The following DUS2 variants were observed in gnomAD, a reference collection of about 807,000 sequenced individuals.
DUS2 encodes the protein tRNA-dihydrouridine(20) synthase [NAD(P)+]-like.
In DUS2, 52 loss-of-function variants were observed where a neutral mutation model predicts 71.3. The ratio of observed to expected loss-of-function variants is 0.73; its 90% CI spans 0.58 to 0.92. The LOEUF (loss-of-function observed/expected upper bound fraction) is 0.92, where lower values mean the gene tolerates loss of function less well. Ranked by LOEUF, DUS2 falls within the 40% of genes least tolerant of loss-of-function variation. The probability of loss-of-function intolerance (pLI) is 0.00; values close to 1 mark genes in which losing one functional copy is unlikely to be tolerated. For missense variants in DUS2, 558 were observed against 622.6 expected, an observed-to-expected ratio of 0.90 and a Z score of 1.10; for synonymous variants, 204 against 227.8, an observed-to-expected ratio of 0.90 and a Z score of 0.94.
intron 3 of DUS2, among the ~76,000 whole-genome samples, chr16:68,047,975 G>A (rs76614077): frequency 0.012 from 1,803 of 152,140 alleles, 80 homozygotes; most frequent in East Asian, 0.1. Context: ...TAGAGACAAG[G>A]TCTCACTTTG....
intron 4 of DUS2, among the ~76,000 whole-genome samples, chr16:68,052,978 T>TTC (rs1410346100): frequency 2.0e-5 from 3 of 151,210 alleles, no homozygotes; most frequent in African/African-American, 7.3e-5. Flanking sequence ...TTTTTTTTTT[T>TTC]TCGAGACGGA....
intron 2 of DUS2, among the ~76,000 whole-genome samples, chr16:68,028,564 G>A (rs531696877): frequency 1.1e-4 from 17 of 152,220 alleles, no homozygotes; most frequent in African/African-American, 3.1e-4. Context: ...GCTTGAACCC[G>A]GGAGGCGGAG....
intron 3 of DUS2, among the ~76,000 whole-genome samples, chr16:68,047,629 A>G (rs1373110454): frequency 6.6e-6 from 1 of 151,684 alleles, no homozygotes; most frequent in Non-Finnish European, 1.5e-5. Flanking sequence ...GATTGCAGGC[A>G]TGTACCACCA....
intron 3 of DUS2, among the ~76,000 whole-genome samples, chr16:68,041,564 G>A (rs1446759309): frequency 6.6e-6 from 1 of 152,098 alleles, no homozygotes; most frequent in Non-Finnish European, 1.5e-5. Context: ...TGTAATCCCA[G>A]CACTTTGGGA....
intron 12 of DUS2, 119 bp from the exon 13 acceptor site, chr16:68,073,914 AC>A: frequency 7.9e-7 from 1 of 1,268,630 alleles, no homozygotes; most frequent in Non-Finnish European, 1.1e-6. Flanking sequence ...TATGGGGGTC[AC>A]ATTGCCTTGG....
intron 2 of DUS2, among the ~76,000 whole-genome samples, chr16:68,028,031 A>G (rs1421788283): frequency 6.6e-6 from 1 of 152,198 alleles, no homozygotes; most frequent in Non-Finnish European, 1.5e-5. Flanking sequence ...ACTGTGTTAA[A>G]GAGTGTAGAC....
chr16:68,071,251 T>A, intron 12 of DUS2, 143 bp downstream of exon 12: 1 of 844,410 alleles, frequency 1.2e-6, no homozygotes, highest in Non-Finnish European at 1.8e-6. Flanking sequence ...GTAGCTGCAC[T>A]AGCTCACTGC....
intron 7 of DUS2, among the ~76,000 whole-genome samples, chr16:68,060,271 T>C (rs541674730): frequency 3.3e-5 from 5 of 152,218 alleles, no homozygotes; most frequent in African/African-American, 1.2e-4. Flanking sequence ...CCACTCTAGA[T>C]AGATTTGTGG....
chr16:68,061,872 G>A (rs1444411143), intron 8 of DUS2, among the ~76,000 whole-genome samples: 2 of 152,314 alleles, frequency 1.3e-5, no homozygotes, highest in Non-Finnish European at 2.9e-5. Context: ...TGGTTGCTGT[G>A]CCAGCAGCCC....
intron 7 of DUS2, among the ~76,000 whole-genome samples, chr16:68,060,523 A>G (rs2033924487): frequency 6.6e-6 from 1 of 152,164 alleles, no homozygotes; most frequent in Admixed American, 6.5e-5. Flanking sequence ...CATGTTAGCC[A>G]GGCTGGTCTC....
chr16:68,046,952 G>T (rs184628613), intron 3 of DUS2, among the ~76,000 whole-genome samples: 1 of 150,538 alleles, frequency 6.6e-6, no homozygotes, highest in Non-Finnish European at 1.5e-5. Flanking sequence ...GGGTTTCACT[G>T]TGTTAGCCAG....
In DUS2 at chr16:68,061,069, G is replaced by A; in HGVS notation, c.373G>A (p.Gly125Arg). 6.2e-7 allele frequency: 1 copy of A among 1,614,010 alleles called. No homozygotes were observed. Among genetic ancestry groups the A allele is most frequent in the Non-Finnish European group, 8.5e-7 (1 of 1,179,946 alleles). ...CCTTTTGTGTGTTTCTCCTTAGGGA[G>A]GAATGGGAGCTGCCCTGCTGTCAGA... ...GCPKQYSTKG[G>R]MGAALLSDPD... The change falls in exon 8 of 17, where the codon GGA becomes AGA. Residue 125 changes from glycine to arginine, a missense_variant. Transcript: ENST00000565263.
chr16:68,054,706 C>T, intron 6 of DUS2, 89 bp downstream of exon 6: 6 of 1,471,710 alleles, frequency 4.1e-6, no homozygotes, highest in Non-Finnish European at 4.8e-6. Flanking sequence ...AGGTGACTCA[C>T]CCTTCTGCCT....
intron 2 of DUS2, among the ~76,000 whole-genome samples, chr16:68,030,928 G>C (rs1321138006): frequency 6.6e-6 from 1 of 152,042 alleles, no homozygotes; most frequent in African/African-American, 2.4e-5. Context: ...ATTTTTGGTA[G>C]AGATGGGATC....
chr16:68,061,511 C>T (rs8061195), intron 8 of DUS2, among the ~76,000 whole-genome samples: 4,446 of 152,256 alleles, frequency 0.029, 202 homozygotes, highest in African/African-American at 0.1. Flanking sequence ...TGGCCTCTCC[C>T]AGGGGGCTTG....
At chr16:68,028,843 C>T (rs576243499) in intron 2 of DUS2, among the ~76,000 whole-genome samples, 23 of 151,962 alleles carry the variant, frequency 1.5e-4, no homozygotes, top group Admixed American at 5.9e-4. Flanking sequence ...TTAATGTGCC[C>T]GAGGCACAGC....
chr16:68,073,906 T>C (rs1323622427), intron 12 of DUS2, 128 bp from the exon 13 acceptor site: 4 of 1,174,988 alleles, frequency 3.4e-6, no homozygotes, highest in South Asian at 1.4e-5. Context: ...GTTCTTCTTA[T>C]GGGGGTCACA....
intron 3 of DUS2, 53 bp from the exon 4 acceptor site, chr16:68,049,452 T>C: frequency 6.3e-7 from 1 of 1,593,858 alleles, no homozygotes; most frequent in Non-Finnish European, 8.6e-7. Context: ...AAATCCTTCA[T>C]GCCCAGAGCC....
At chr16:68,052,849 T>C (rs1403226949) in intron 4 of DUS2, among the ~76,000 whole-genome samples, 3 of 151,842 alleles carry the variant, frequency 2.0e-5, no homozygotes, top group African/African-American at 7.3e-5. Context: ...TGCCATGTTG[T>C]GTAGGCTGGT....
Sources: allele counts gnomAD v4.1 joint callset (sites outside exome capture counted in the v4.1 genomes callset), GRCh38; gene constraint gnomAD v4.1.1; transcripts MANE v1.5; gene names NCBI Gene and HGNC (gene_info 2026-07-23, HGNC 2026-07-21).